Variants in KCTD6 observed in about 807,000 individuals in gnomAD.
KCTD6 encodes the protein potassium channel tetramerization domain containing 6, also known as BTB/POZ domain-containing protein KCTD6.
A neutral mutation model predicts 18.7 loss-of-function variants in KCTD6; 6 were observed. That is an observed-to-expected ratio of 0.32 (90% CI 0.18 to 0.63). The LOEUF (loss-of-function observed/expected upper bound fraction) is 0.63. Ranked by LOEUF, KCTD6 falls within the 30% of genes least tolerant of loss-of-function variation. The pLI, the probability that KCTD6 is intolerant of heterozygous loss-of-function variation, is 0.79. For synonymous variants in KCTD6, 86 were observed against 108.5 expected (o/e 0.79, Z 1.29); for missense variants, 165 against 300.2 (o/e 0.55, Z 3.33).
Position 58,493,216 on chromosome 3 carries a change from T to C in KCTD6, c.-44+1047T>C, listed in dbSNP as rs1266211427. Among the ~76,000 whole-genome samples the C allele has an allele frequency of 6.6e-6, 1 of 152,222 alleles. No individual in the cohort carries two copies. The highest frequency in any genetic ancestry group is 1.5e-5 in the Non-Finnish European group (1 of 68,044). Reference sequence around the variant, plus strand: ...TGTGTTTGTCAGCAGGGTTGGTAGGTTGAGAGTATTTTCTCTTTGGCCGAA... The same window carrying C: ...TGTGTTTGTCAGCAGGGTTGGTAGGCTGAGAGTATTTTCTCTTTGGCCGAA... On this transcript the variant is annotated intron_variant, in intron 1 of 2. Transcript: ENST00000404589. The surrounding 1 kb of genome is among the most constrained non-coding windows in gnomAD (Gnocchi z 4.5).
chr3:58,499,041 C>T (rs1267292540), intron 2 of KCTD6, among the ~76,000 whole-genome samples: 2 of 151,988 alleles, frequency 1.3e-5, no homozygotes, highest in Non-Finnish European at 2.9e-5. Flanking sequence ...GCGATCTTGG[C>T]TCACTGCAAC....
chr3:58,501,045 G>T lies in KCTD6; in HGVS notation c.127G>T (p.Gly43Trp). ...YPDSMLGAMF[G>W]GDFPTARDPQ... is the part of the protein sequence containing the mutation. Reference sequence around the variant, plus strand: ...GGATTCCATGCTTGGAGCTATGTTTGGGGGGGACTTCCCCACAGCTCGAGA... The same window carrying T: ...GGATTCCATGCTTGGAGCTATGTTTTGGGGGGACTTCCCCACAGCTCGAGA... The change falls in exon 3 of 3, where the codon GGG becomes TGG. Residue 43 changes from glycine to tryptophan, a missense_variant. Physicochemically the swap from Gly to Trp is radical, Grantham distance 184. Around this residue, in one of 2 missense-constraint regions of KCTD6, gnomAD observed 59 missense variants for 69.9 expected, o/e 0.84. Coordinates refer to ENST00000404589, the MANE Select transcript of KCTD6 (RefSeq NM_001128214.2). This position sits in a 1 kb window ranked among gnomAD's most constrained non-coding sequence, Gnocchi z 9.7. 6.2e-7 allele frequency: 1 copy of T among 1,613,486 alleles called. No homozygotes were observed. Among genetic ancestry groups the T allele is most frequent in the Non-Finnish European group, 8.5e-7 (1 of 1,179,592 alleles).
rs190747620 is a variant in KCTD6, at chr3:58,495,384, C to G, written c.-44+3215C>G. Among the ~76,000 whole-genome samples the G allele has an allele frequency of 2.3e-3, 347 of 152,248 alleles. 1 individual carries two copies. Among genetic ancestry groups the G allele is most frequent in the African/African-American group, 7.5e-3 (313 of 41,550 alleles). ...TTCAGTAGAAGAGATTGAAACTATT[C>G]TGGAAATTCTTTGGGATTGTATTTC... On this transcript the variant is annotated intron_variant, in intron 1 of 2. Coordinates refer to ENST00000404589, the MANE Select transcript of KCTD6 (RefSeq NM_001128214.2).
Position 58,498,975 on chromosome 3 carries a change from A to G in KCTD6, c.27+193A>G, listed in dbSNP as rs1262975147. On this transcript the variant is annotated intron_variant, in intron 2 of 2. Transcript: ENST00000404589. The surrounding 1 kb of genome is among the most constrained non-coding windows in gnomAD (Gnocchi z 4.6). ...CTTGTGTGGTGTTTTTTAAATTTTT[A>G]TTTAATTTTTTTTATGTGGAGTCTC... is the stretch of plus-strand genomic sequence containing the variant. Among the ~76,000 whole-genome samples, 3 of 150,794 alleles carry G rather than the reference A, an allele frequency of 2.0e-5. No homozygotes were observed. Among genetic ancestry groups the G allele is most frequent in the Non-Finnish European group, 4.4e-5 (3 of 67,770 alleles).
In KCTD6 at chr3:58,498,634, C is replaced by G. The variant is rs1313313450; in HGVS notation, c.-43-79C>G. 3.7e-6 allele frequency: 3 copies of G among 812,626 alleles called. No homozygotes were observed. The highest frequency in any genetic ancestry group is 6.4e-6 in the Non-Finnish European group (3 of 469,070). The allele number at this position is 812,626 out of a possible 1,614,324, so 50.3% of individuals were successfully genotyped here. A position where few individuals can be genotyped will look rare whatever the true frequency, so the allele number is the denominator to read the frequency against. ...TAGTTTTTCTGGTGTTTGGCCTCCT[C>G]TGTTGGGTGGAAAAAGACTTTCTTC... On this transcript the variant is annotated intron_variant, in intron 1 of 2. Transcript: ENST00000404589. The surrounding 1 kb of genome is among the most constrained non-coding windows in gnomAD (Gnocchi z 4.6).
chr3:58,501,675 A>T lies in KCTD6; in HGVS notation c.*43A>T. On this transcript the variant is annotated 3_prime_UTR_variant, in exon 3 of 3. Transcript: ENST00000404589. This position sits in a 1 kb window ranked among gnomAD's most constrained non-coding sequence, Gnocchi z 9.7. ...GGTTCCTGGAAAGACTCTCCAGGAA[A>T]TGGAAGATACTGATTTTTTTTTTTA... 8.1e-7 allele frequency: 1 copy of T among 1,227,086 alleles called. No individual in the cohort carries two copies. Among genetic ancestry groups the T allele is most frequent in the Middle Eastern group, 2.1e-4 (1 of 4,780 alleles). 76.0% of individuals were successfully genotyped at this position (1,227,086 alleles called of 1,614,324 possible).
intron 2 of KCTD6, 70 bp from the exon 3 acceptor site, chr3:58,500,876 T>G (rs1261474986): frequency 5.1e-6 from 5 of 977,984 alleles, no homozygotes; most frequent in Non-Finnish European, 7.7e-6. Context: ...CAGTATCACT[T>G]ACTTTCTTAA....
In KCTD6 at chr3:58,493,886, C is replaced by G. The variant is rs1403638897; in HGVS notation, c.-44+1717C>G. The stretch of plus-strand genomic sequence containing the variant: ...GCATAAAGAGTGATTTTCTCAGGGT[C>G]TCATAATCAGTAACGGAGCAGAATT... On this transcript the variant is annotated intron_variant, in intron 1 of 2. Coordinates refer to ENST00000404589, the MANE Select transcript of KCTD6 (RefSeq NM_001128214.2). This position sits in a 1 kb window ranked among gnomAD's most constrained non-coding sequence, Gnocchi z 4.5. 6.6e-6 allele frequency: 1 copy of G among 152,184 alleles called. No homozygotes were observed. The highest frequency in any genetic ancestry group is 1.5e-5 in the Non-Finnish European group (1 of 68,044). 9.4% of individuals were successfully genotyped at this position (152,184 alleles called of 1,614,324 possible).
rs2063174762 is a variant in KCTD6 at position 58,496,259 on chromosome 3, G to T, written c.-43-2454G>T. ...AATAGATGGCTATAGAGAGTTTAAAGTTAAGCTTTTTCAATTTCTTGTCTC... is the reference window on the plus strand; with the variant it reads ...AATAGATGGCTATAGAGAGTTTAAATTTAAGCTTTTTCAATTTCTTGTCTC... On this transcript the variant is annotated intron_variant, in intron 1 of 2. Transcript: ENST00000404589. This position sits in a 1 kb window ranked among gnomAD's most constrained non-coding sequence, Gnocchi z 5.1. 1.3e-5 allele frequency among the ~76,000 whole-genome samples: 2 copies of T among 152,160 alleles called. 1 individual carries two copies. Among genetic ancestry groups the T allele is most frequent in the South Asian group, 4.1e-4 (2 of 4,832 alleles).
Position 58,498,535 on chromosome 3 carries a change from G to A in KCTD6, c.-43-178G>A, listed in dbSNP as rs1308997155. 1.8e-6 allele frequency: 1 copy of A among 555,084 alleles called. No homozygotes were observed. Among genetic ancestry groups the A allele is most frequent in the Non-Finnish European group, 3.1e-6 (1 of 319,856 alleles). The allele number at this position is 555,084 out of a possible 1,614,324, so 34.4% of individuals were successfully genotyped here. On this transcript the variant is annotated intron_variant, in intron 1 of 2. Transcript: ENST00000404589. This position sits in a 1 kb window ranked among gnomAD's most constrained non-coding sequence, Gnocchi z 4.6. ...TCTCTATGGTAAGAATACAGGACAT[G>A]TAGAAGGCCCTAGGGGAATGCTTTC...
rs768167717 is a variant in KCTD6 at position 58,501,535 on chromosome 3, G to T, written c.617G>T (p.Arg206Leu). 1.3e-6 allele frequency: 2 copies of T among 1,490,564 alleles called. No individual in the cohort carries two copies. The highest frequency in any genetic ancestry group is 1.8e-6 in the Non-Finnish European group (2 of 1,122,422). 92.3% of individuals were successfully genotyped at this position (1,490,564 alleles called of 1,614,324 possible). A position where few individuals can be genotyped will look rare whatever the true frequency, so the allele number is the denominator to read the frequency against. Residue 206 changes from arginine to leucine, a missense_variant, in exon 3 of 3, where the codon CGC (arginine) becomes CTC (leucine). Around this residue, in one of 2 missense-constraint regions of KCTD6, gnomAD observed 106 missense variants for 230.4 expected, o/e 0.46. Coordinates refer to ENST00000404589, the MANE Select transcript of KCTD6 (RefSeq NM_001128214.2). The surrounding 1 kb of genome is among the most constrained non-coding windows in gnomAD (Gnocchi z 9.7). ...EYITKQGFTI[R>L]NTRVHHMSER... ...ATTACAAAACAAGGTTTCACGATCC[G>T]CAACACCCGGGTGCATCACATGAGT...
chr3:58,500,771 A>G (rs533072239), intron 2 of KCTD6, among the ~76,000 whole-genome samples, 175 bp from the exon 3 acceptor site: 5 of 152,172 alleles, frequency 3.3e-5, no homozygotes, highest in African/African-American at 1.2e-4. Flanking sequence ...ATGTTAGATC[A>G]CTTCATCTGG....
At chr3:58,494,892 A>T (rs1480873155) in intron 1 of KCTD6, among the ~76,000 whole-genome samples, 1 of 152,212 alleles carries the variant, frequency 6.6e-6, no homozygotes, top group Non-Finnish European at 1.5e-5. Context: ...CATTAGTCAC[A>T]ATAACCTTTG....
At position 58,501,622 on chromosome 3, in the gene KCTD6, C is replaced by T. The variant is rs769638748; in HGVS notation, c.704C>T (p.Thr235Ile). ...NWTFCRLARK[T>I]DD ...ACTTTCTGTAGGCTAGCCCGGAAGA[C>T]AGACGACTGATCTCCGACCCTGCCA... The change falls in exon 3 of 3, where the codon ACA becomes ATA. Residue 235 changes from threonine (T) to isoleucine (I), a missense_variant. Coordinates refer to ENST00000404589, the MANE Select transcript of KCTD6 (RefSeq NM_001128214.2). The surrounding 1 kb of genome is among the most constrained non-coding windows in gnomAD (Gnocchi z 9.7). 7 of 1,334,898 alleles carry T rather than the reference C, an allele frequency of 5.2e-6. No individual in the cohort carries two copies. Among genetic ancestry groups the T allele is most frequent in the Admixed American group, 3.0e-5 (1 of 33,566 alleles). The allele number at this position is 1,334,898 out of a possible 1,614,324, so 82.7% of individuals were successfully genotyped here. A position where few individuals can be genotyped will look rare whatever the true frequency, so the allele number is the denominator to read the frequency against.
At position 58,498,900 on chromosome 3, in the gene KCTD6, C is replaced by T; in HGVS notation, c.27+118C>T. The T allele has an allele frequency of 1.3e-6, 1 of 783,076 alleles. No homozygotes were observed. Among genetic ancestry groups the T allele is most frequent in the East Asian group, 2.7e-5 (1 of 37,516 alleles). 48.5% of individuals were successfully genotyped at this position (783,076 alleles called of 1,614,324 possible). A position where few individuals can be genotyped will look rare whatever the true frequency, so the allele number is the denominator to read the frequency against. On this transcript the variant is annotated intron_variant, in intron 2 of 2. Transcript: ENST00000404589. The surrounding 1 kb of genome is among the most constrained non-coding windows in gnomAD (Gnocchi z 4.6). Reference sequence around the variant, plus strand: ...AAAGAAAATTGTGAATTTGTGTAACCTCTCTTCCCCCTTTTACTTAGTTTA... The same window carrying T: ...AAAGAAAATTGTGAATTTGTGTAACTTCTCTTCCCCCTTTTACTTAGTTTA...
rs564840925 is a variant in KCTD6 at position 58,494,533 on chromosome 3, T to C, written c.-44+2364T>C. 8.5e-5 allele frequency: 13 copies of C among 152,306 alleles called. 1 individual carries two copies. The South Asian group carries it at 2.7e-3, about 32-fold the overall frequency. The allele number at this position is 152,306 out of a possible 1,614,324, so 9.4% of individuals were successfully genotyped here. A position where few individuals can be genotyped will look rare whatever the true frequency, so the allele number is the denominator to read the frequency against. ...GAAGTCAGTAGTTGGAGTTTTTTAT[T>C]ATTCGTTGGAGGTTTTTATTGCAAC... is the stretch of plus-strand genomic sequence containing the variant. On this transcript the variant is annotated intron_variant, in intron 1 of 2. Coordinates refer to ENST00000404589, the MANE Select transcript of KCTD6 (RefSeq NM_001128214.2).
In KCTD6 at chr3:58,496,621, C is replaced by T. The variant is rs1161764775; in HGVS notation, c.-43-2092C>T. Among the ~76,000 whole-genome samples, 1 of 152,192 alleles carries T rather than the reference C, an allele frequency of 6.6e-6. No homozygotes were observed. The highest frequency in any genetic ancestry group is 2.1e-4 in the South Asian group (1 of 4,834). On this transcript the variant is annotated intron_variant, in intron 1 of 2. Coordinates refer to ENST00000404589, the MANE Select transcript of KCTD6 (RefSeq NM_001128214.2). The surrounding 1 kb of genome is among the most constrained non-coding windows in gnomAD (Gnocchi z 5.1). ...CTCTTCCCAGAAGTCCTCTATTTCC[C>T]ATTTGAAATCTTGCTTTTCCCCTCT...
intron 2 of KCTD6, chr3:58,500,271 C>T (rs1239093476): frequency 1.5e-5 from 2 of 135,010 alleles, no homozygotes; most frequent in Non-Finnish European, 3.1e-5. Context: ...GCCACCACAC[C>T]CAGTGAATTT....
At chr3:58,494,887 G>C (rs1193184046) in intron 1 of KCTD6, among the ~76,000 whole-genome samples, 2 of 152,156 alleles carry the variant, frequency 1.3e-5, no homozygotes, top group African/African-American at 4.8e-5. Context: ...TTATACATTA[G>C]TCACAATAAC....
Sources: allele counts gnomAD v4.1 joint callset (sites outside exome capture counted in the v4.1 genomes callset), GRCh38; gene constraint gnomAD v4.1.1; regional missense constraint gnomAD v4.1.1; non-coding constraint Gnocchi (gnomAD v3.1); transcripts MANE v1.5; gene names NCBI Gene and HGNC (gene_info 2026-07-23, HGNC 2026-07-21).